AGAP1: variants seen among roughly 807,000 people sequenced by gnomAD.
The protein encoded by AGAP1 is ArfGAP with GTPase domain, ankyrin repeat and PH domain 1.
In AGAP1, 29 loss-of-function variants were observed where a neutral mutation model predicts 105.3. The ratio of observed to expected loss-of-function variants is 0.28; its 90% CI spans 0.21 to 0.38. The LOEUF (loss-of-function observed/expected upper bound fraction) is 0.38, where lower values mean the gene tolerates loss of function less well. Among genes scored for constraint, AGAP1 ranks in the 10% least tolerant of loss-of-function variants. The probability of loss-of-function intolerance (pLI) is 1.00; values close to 1 mark genes in which losing one functional copy is unlikely to be tolerated. For missense variants in AGAP1, 998 were observed against 1,165.1 expected (o/e 0.86, Z 2.09); for synonymous variants, 509 against 485.9 (o/e 1.05, Z -0.63).
At chr2:235,815,273 G>A (rs1482499736) in intron 9 of AGAP1, among the ~76,000 whole-genome samples, 2 of 152,212 alleles carry the variant, frequency 1.3e-5, no homozygotes, top group African/African-American at 4.8e-5. Flanking sequence ...GGAGGTCCAA[G>A]ACAAGGCCCA....
At chr2:235,920,095 C>T (rs941275345) in intron 11 of AGAP1, among the ~76,000 whole-genome samples, 2 of 152,120 alleles carry the variant, frequency 1.3e-5, no homozygotes, top group Non-Finnish European at 2.9e-5. Context: ...TTCTGCTTGG[C>T]CACGTTGATG....
intron 1 of AGAP1, among the ~76,000 whole-genome samples, chr2:235,648,342 G>T (rs993277777): frequency 1.4e-4 from 21 of 152,086 alleles, no homozygotes; most frequent in Non-Finnish European, 1.6e-4. Flanking sequence ...CTCTGCGGTG[G>T]GCTAGCTCCA....
Position 235,882,503 on chromosome 2 carries a change from A to C in AGAP1, c.1051-842A>C, listed in dbSNP as rs1376992534. 8.2e-6 allele frequency: 12 copies of C among 1,468,932 alleles called. No homozygotes were observed. Among genetic ancestry groups the C allele is most frequent in the Non-Finnish European group, 1.0e-5 (11 of 1,058,284 alleles). 91.0% of individuals were successfully genotyped at this position (1,468,932 alleles called of 1,614,324 possible). On this transcript the variant is annotated intron_variant, in intron 9 of 17. Transcript: ENST00000304032. This position sits in a 1 kb window ranked among gnomAD's most constrained non-coding sequence, Gnocchi z 4.6. ...CTGGTTTGTCTGCCATTTTCTTAAA[A>C]CAATCGGTACCATCCGTGGCGGGCT... is the stretch of plus-strand genomic sequence containing the variant.
chr2:235,497,851 C>T (rs1183996574), intron 1 of AGAP1, among the ~76,000 whole-genome samples: 1 of 152,174 alleles, frequency 6.6e-6, no homozygotes, highest in Non-Finnish European at 1.5e-5. Context: ...CCACCTTGGC[C>T]TCCCAAAGTG....
At chr2:235,763,897 G>A (rs908903694) in intron 6 of AGAP1, among the ~76,000 whole-genome samples, 6 of 152,182 alleles carry the variant, frequency 3.9e-5, no homozygotes, top group African/African-American at 7.2e-5. Flanking sequence ...TTACAGATGC[G>A]CGCTTTTGGG....
Position 235,596,909 on chromosome 2 carries a change from C to T in AGAP1, c.163+102060C>T, listed in dbSNP as rs1201078843. On this transcript the variant is annotated intron_variant, in intron 1 of 17. Transcript: ENST00000304032. The surrounding 1 kb of genome is among the most constrained non-coding windows in gnomAD (Gnocchi z 5.9). ...GCCCCTCAGGAGCGCTTGCTCTGTA[C>T]CCTATGAGGACATCATGAGGAGATA... 6.6e-6 allele frequency among the ~76,000 whole-genome samples: 1 copy of T among 152,088 alleles called. No homozygotes were observed.
At chr2:236,094,379 CA>C (rs1016893535) in intron 16 of AGAP1, among the ~76,000 whole-genome samples, 17 of 146,264 alleles carry the variant, frequency 1.2e-4, no homozygotes, top group Non-Finnish European at 1.6e-4. Context: ...TTTTTTTAGA[CA>C]GGGTCTCTGT....
At chr2:235,530,054 C>T (rs1467419851) in intron 1 of AGAP1, among the ~76,000 whole-genome samples, 1 of 152,138 alleles carries the variant, frequency 6.6e-6, no homozygotes, top group Non-Finnish European at 1.5e-5. Context: ...AGAGAAGGCA[C>T]AGGACAGGCC....
intron 9 of AGAP1, among the ~76,000 whole-genome samples, chr2:235,822,255 TA>T (rs2106292325): frequency 6.6e-6 from 1 of 152,380 alleles, no homozygotes; most frequent in South Asian, 2.1e-4. Flanking sequence ...CAGTCTTAAA[TA>T]AAATTTAAAG....
rs989249889 is a variant in AGAP1 at position 235,639,703 on chromosome 2, G to A, written c.164-69476G>A. Among the ~76,000 whole-genome samples, 1 of 152,172 alleles carries A rather than the reference G, an allele frequency of 6.6e-6. No individual in the cohort carries two copies. The highest frequency in any genetic ancestry group is 1.5e-5 in the Non-Finnish European group (1 of 68,026). On this transcript the variant is annotated intron_variant, in intron 1 of 17. Coordinates refer to ENST00000304032, the MANE Select transcript of AGAP1 (RefSeq NM_001037131.3). This position sits in a 1 kb window ranked among gnomAD's most constrained non-coding sequence, Gnocchi z 5.3. ...TCTCCTTCACTCTTAGATAGTGGCA[G>A]CGCTTGCCTCGCTGCATCTCGTGTT...
chr2:235,531,897 C>T (rs1355627216), intron 1 of AGAP1, among the ~76,000 whole-genome samples: 1 of 152,118 alleles, frequency 6.6e-6, no homozygotes, highest in African/African-American at 2.4e-5. Flanking sequence ...CAGACGTGAA[C>T]CCCTGCACCC....
chr2:235,972,999 C>T (rs1212998589), intron 13 of AGAP1, among the ~76,000 whole-genome samples: 1 of 152,144 alleles, frequency 6.6e-6, no homozygotes, highest in Non-Finnish European at 1.5e-5. Flanking sequence ...AGACTCCCAG[C>T]TAAGCACAGA....
Position 235,741,282 on chromosome 2 carries a change from T to C in AGAP1, c.396+234T>C, listed in dbSNP as rs897588101. On this transcript the variant is annotated intron_variant, in intron 4 of 17. Transcript: ENST00000304032. This position sits in a 1 kb window ranked among gnomAD's most constrained non-coding sequence, Gnocchi z 4.9. ...GGGTTTATGTGATGGCTTTTCACTTTCTGTGTTTTTAAAAAGGCAGGAAAC... is the reference window on the plus strand; with the variant it reads ...GGGTTTATGTGATGGCTTTTCACTTCCTGTGTTTTTAAAAAGGCAGGAAAC... Among the ~76,000 whole-genome samples, 1 of 152,244 alleles carries C rather than the reference T, an allele frequency of 6.6e-6. No homozygotes were observed. The highest frequency in any genetic ancestry group is 2.4e-5 in the African/African-American group (1 of 41,466).
intron 1 of AGAP1, among the ~76,000 whole-genome samples, chr2:235,706,906 A>C (rs1950563012): frequency 6.6e-6 from 1 of 152,216 alleles, no homozygotes; most frequent in Admixed American, 6.5e-5. Flanking sequence ...AACAGAAAGA[A>C]GTGTTTTCCA....
intron 11 of AGAP1, among the ~76,000 whole-genome samples, chr2:235,924,995 T>G (rs958026789): frequency 3.3e-5 from 5 of 151,470 alleles, no homozygotes; most frequent in African/African-American, 1.2e-4. Flanking sequence ...CCAGCAACAG[T>G]GGGGTGGGAT....
intron 1 of AGAP1, among the ~76,000 whole-genome samples, chr2:235,572,102 G>A (rs970523580): frequency 1.3e-5 from 2 of 150,608 alleles, no homozygotes; most frequent in African/African-American, 2.4e-5. Flanking sequence ...GGCTTTGGGG[G>A]CTTAGCCTCT....
At chr2:235,776,681 C>T (rs1402994865) in intron 6 of AGAP1, among the ~76,000 whole-genome samples, 5 of 152,200 alleles carry the variant, frequency 3.3e-5, no homozygotes, top group Non-Finnish European at 7.3e-5. Context: ...AGAGAGCCTC[C>T]TGTGTTGCAG....
intron 1 of AGAP1, among the ~76,000 whole-genome samples, chr2:235,589,919 C>T (rs746944076): frequency 3.3e-5 from 5 of 151,208 alleles, no homozygotes; most frequent in South Asian, 2.1e-4. Context: ...CTCGTTCTGT[C>T]GCCCAGGCTG....
intron 11 of AGAP1, among the ~76,000 whole-genome samples, chr2:235,923,623 G>A (rs2052298598): frequency 1.3e-5 from 2 of 150,192 alleles, no homozygotes; most frequent in African/African-American, 2.5e-5. Context: ...TCTCGTGCTT[G>A]TCTCCGGCTC....
Sources: allele counts gnomAD v4.1 joint callset (sites outside exome capture counted in the v4.1 genomes callset), GRCh38; gene constraint gnomAD v4.1.1; non-coding constraint Gnocchi (gnomAD v3.1); transcripts MANE v1.5; gene names NCBI Gene and HGNC (gene_info 2026-07-23, HGNC 2026-07-21).